Variants in CHCHD3 observed in about 807,000 individuals in gnomAD.
CHCHD3 encodes the protein MICOS complex subunit MIC19.
A neutral mutation model predicts 38.2 loss-of-function variants in CHCHD3; 20 were observed. That is an observed-to-expected ratio of 0.52 (90% CI 0.37 to 0.76). The LOEUF (loss-of-function observed/expected upper bound fraction) is 0.76. Ranked by LOEUF, CHCHD3 falls within the 30% of genes least tolerant of loss-of-function variation. CHCHD3 has a pLI of 0.00. For synonymous variants in CHCHD3, 82 were observed against 100.0 expected, an observed-to-expected ratio of 0.82 and a Z score of 1.07; for missense variants, 245 against 279.2, an observed-to-expected ratio of 0.88 and a Z score of 0.87.
chr7:132,858,957 T>C (rs1808414494), intron 5 of CHCHD3, among the ~76,000 whole-genome samples: 1 of 152,122 alleles, frequency 6.6e-6, no homozygotes, highest in South Asian at 2.1e-4. Context: ...AATGAAATAA[T>C]TTACCAGGTC....
intron 4 of CHCHD3, among the ~76,000 whole-genome samples, chr7:132,941,788 C>T (rs890328278): frequency 1.3e-5 from 2 of 151,878 alleles, no homozygotes; most frequent in Non-Finnish European, 2.9e-5. Flanking sequence ...GGGAGATCAA[C>T]AACAACAGCT....
At chr7:132,797,977 G>A (rs1237885091) in intron 6 of CHCHD3, among the ~76,000 whole-genome samples, 1 of 151,956 alleles carries the variant, frequency 6.6e-6, no homozygotes, top group Non-Finnish European at 1.5e-5. Context: ...ATTTAAATTT[G>A]TTATTTCCAT....
chr7:133,045,750 G>C (rs1813964204), intron 2 of CHCHD3, among the ~76,000 whole-genome samples: 1 of 152,168 alleles, frequency 6.6e-6, no homozygotes, highest in Non-Finnish European at 1.5e-5. Context: ...GGTGAGGCCT[G>C]ATGGGAGGTG....
chr7:132,825,909 T>C (rs762860290), intron 6 of CHCHD3, among the ~76,000 whole-genome samples: 7 of 152,216 alleles, frequency 4.6e-5, no homozygotes, highest in Non-Finnish European at 8.8e-5. Flanking sequence ...GATGGCTTCA[T>C]AGTTGGAGGC....
At chr7:132,960,555 G>T (rs949061924) in intron 4 of CHCHD3, among the ~76,000 whole-genome samples, 1 of 152,194 alleles carries the variant, frequency 6.6e-6, no homozygotes, top group South Asian at 2.1e-4. Context: ...GACAGGGAAT[G>T]ATGGGAAACT....
chr7:132,943,706 A>T (rs990513824), intron 4 of CHCHD3, among the ~76,000 whole-genome samples: 3 of 152,134 alleles, frequency 2.0e-5, no homozygotes, highest in Admixed American at 1.3e-4. Context: ...GACTATCTAA[A>T]AGTAAAACTT....
intron 5 of CHCHD3, among the ~76,000 whole-genome samples, chr7:132,873,939 A>C (rs527377189): frequency 6.6e-6 from 1 of 152,312 alleles, no homozygotes; most frequent in East Asian, 1.9e-4. Context: ...AGTTAGCATG[A>C]CTGGAGCAAA....
intron 6 of CHCHD3, among the ~76,000 whole-genome samples, chr7:132,822,031 C>A (rs759675717): frequency 4.6e-5 from 7 of 152,154 alleles, no homozygotes; most frequent in Non-Finnish European, 1.0e-4. Flanking sequence ...TTTAAAGATC[C>A]CAGCCTAATG....
intron 4 of CHCHD3, among the ~76,000 whole-genome samples, chr7:132,933,996 T>A (rs1810577190): frequency 6.6e-6 from 1 of 152,158 alleles, no homozygotes; most frequent in Non-Finnish European, 1.5e-5. Flanking sequence ...CAGAAGTGAA[T>A]AAAGCTGGGG....
At chr7:133,064,535 AAAAT>A (rs1814613522) in intron 2 of CHCHD3, among the ~76,000 whole-genome samples, 1 of 152,214 alleles carries the variant, frequency 6.6e-6, no homozygotes, top group Non-Finnish European at 1.5e-5. Flanking sequence ...GAGCTGTTTA[AAAAT>A]AACTAGGAGG....
intron 3 of CHCHD3, among the ~76,000 whole-genome samples, chr7:132,994,613 C>T (rs1340278936): frequency 1.3e-5 from 2 of 152,158 alleles, no homozygotes; most frequent in African/African-American, 4.8e-5. Context: ...CTACTTGAAA[C>T]CCACTCCAGC....
At chr7:133,017,285 G>A (rs767467908) in intron 3 of CHCHD3, among the ~76,000 whole-genome samples, 6 of 152,232 alleles carry the variant, frequency 3.9e-5, no homozygotes, top group South Asian at 4.2e-4. Context: ...AGAGCAATGC[G>A]GCAGGCCAAT....
chr7:132,997,675 A>AAAAG (rs1562933448), intron 3 of CHCHD3, among the ~76,000 whole-genome samples: 2 of 150,466 alleles, frequency 1.3e-5, no homozygotes, highest in African/African-American at 4.9e-5. Context: ...AAAAAAAAAA[A>AAAAG]AAAAAAAAAA....
At chr7:132,840,375 C>T (rs1807909873) in intron 5 of CHCHD3, among the ~76,000 whole-genome samples, 1 of 152,200 alleles carries the variant, frequency 6.6e-6, no homozygotes, top group Non-Finnish European at 1.5e-5. Context: ...TATTATGTTA[C>T]TGAACTATCT....
chr7:133,060,214 CT>C lies in CHCHD3; in HGVS notation c.169+9927del, dbSNP rs374501316. Among the ~76,000 whole-genome samples the C allele has an allele frequency of 6.6e-4, 101 of 152,280 alleles. 1 individual carries two copies. The highest frequency in any genetic ancestry group is 2.4e-3 in the African/African-American group (99 of 41,558). ...CTGGTCTCAACAGGTCAATGTTTACCTGCAGCAAACACACACAGTTCTATAA... is the reference window on the plus strand; with the variant it reads ...CTGGTCTCAACAGGTCAATGTTTACCGCAGCAAACACACACAGTTCTATAA... On this transcript the variant is annotated intron_variant, in intron 2 of 7. Transcript: ENST00000262570.
intron 2 of CHCHD3, among the ~76,000 whole-genome samples, chr7:133,040,084 G>A (rs576193568): frequency 6.6e-6 from 1 of 152,080 alleles, no homozygotes; most frequent in East Asian, 1.9e-4. Context: ...TTACTAAAAC[G>A]TATGTCCAAC....
intron 5 of CHCHD3, among the ~76,000 whole-genome samples, chr7:132,869,042 C>T (rs1808701203): frequency 6.6e-6 from 1 of 152,126 alleles, no homozygotes; most frequent in African/African-American, 2.4e-5. Context: ...CACGAAAAAG[C>T]AAATCCTTGT....
At chr7:133,027,591 G>A (rs1813382734) in intron 2 of CHCHD3, among the ~76,000 whole-genome samples, 1 of 152,060 alleles carries the variant, frequency 6.6e-6, no homozygotes, top group Admixed American at 6.5e-5. Flanking sequence ...AACCTCTCTG[G>A]GCAGCAAGAG....
rs3050414 is a variant in CHCHD3 at position 132,955,173 on chromosome 7, GGTGT to G, written c.369+19992_369+19995del. ...AGAAAGGAGGCTTTTTCCCTCAGAGGGTGTGTGTGTGTGTGTGTGTGTGTGTGTG... is the reference window on the plus strand; with the variant it reads ...AGAAAGGAGGCTTTTTCCCTCAGAGGGTGTGTGTGTGTGTGTGTGTGTGTG... On this transcript the variant is annotated intron_variant, in intron 4 of 7. Transcript: ENST00000262570. Among the ~76,000 whole-genome samples the G allele has an allele frequency of 6.3e-3, 794 of 126,286 alleles. 14 individuals are homozygous for G. Among genetic ancestry groups the G allele is most frequent in the African/African-American group, 0.022 (713 of 33,152 alleles). The allele number at this position is 126,286 out of a possible 152,430, so 82.8% of individuals were successfully genotyped here.
Sources: allele counts gnomAD v4.1 joint callset (sites outside exome capture counted in the v4.1 genomes callset), GRCh38; gene constraint gnomAD v4.1.1; transcripts MANE v1.5; gene names NCBI Gene and HGNC (gene_info 2026-07-23, HGNC 2026-07-21).